Variants in TCF24 observed in about 807,000 individuals in gnomAD.
TCF24 encodes transcription factor 24.
Under a neutral mutation model 9.3 loss-of-function variants are expected in TCF24, and 5 were observed. That is an observed-to-expected ratio of 0.54 (90% CI 0.28 to 1.13). The LOEUF (loss-of-function observed/expected upper bound fraction) is 1.13, where lower values mean the gene tolerates loss of function less well. TCF24 is among the 50% of genes most tolerant of loss of function. The pLI, the probability that TCF24 is intolerant of heterozygous loss-of-function variation, is 0.09. For missense variants in TCF24, 220 were observed against 236.1 expected (o/e 0.93, Z 0.45); for synonymous variants, 110 against 115.8 (o/e 0.95, Z 0.32).
chr8:66,957,413 A>G (rs1208253767), intron 3 of TCF24, among the ~76,000 whole-genome samples: 1 of 57,192 alleles, frequency 1.7e-5, no homozygotes, highest in Non-Finnish European at 3.3e-5. Context: ...GTGAAACTCC[A>G]TATCAAAAAA....
At chr8:66,956,976 G>A (rs767795384) in intron 3 of TCF24, among the ~76,000 whole-genome samples, 3 of 151,778 alleles carry the variant, frequency 2.0e-5, no homozygotes, top group Admixed American at 6.6e-5. Flanking sequence ...AGACTGAGGC[G>A]GGCAGATTAC....
intron 3 of TCF24, among the ~76,000 whole-genome samples, chr8:66,950,219 C>T (rs1235746711): frequency 2.0e-5 from 3 of 150,864 alleles, no homozygotes; most frequent in African/African-American, 4.9e-5. Flanking sequence ...AGGTTTTCTT[C>T]TCGGGTTTTT....
intron 3 of TCF24, among the ~76,000 whole-genome samples, chr8:66,960,415 C>T (rs1208388253): frequency 5.3e-5 from 8 of 151,622 alleles, no homozygotes; most frequent in Non-Finnish European, 7.4e-5. Flanking sequence ...CTTAACTTTG[C>T]ATTTGTGTGT....
rs1382822845 is a variant in TCF24 at position 66,953,002 on chromosome 8, A to G, written c.391-4838T>C. 2.9e-5 allele frequency among the ~76,000 whole-genome samples: 4 copies of G among 136,342 alleles called. No homozygotes were observed. In the Admixed American group the frequency reaches 3.0e-4, roughly 10 times the overall value. The allele number at this position is 136,342 out of a possible 152,430, so 89.4% of individuals were successfully genotyped here. A position where few individuals can be genotyped will look rare whatever the true frequency, so the allele number is the denominator to read the frequency against. The stretch of plus-strand genomic sequence containing the variant: ...GCCTATGTGTGTCTCTGCACGTGAG[A>G]TGGGTTTCCTGAATACAGCACACTG... On this transcript the variant is annotated intron_variant, in intron 3 of 3. Coordinates refer to ENST00000563496, the MANE Select transcript of TCF24 (RefSeq NM_001193502.2).
intron 3 of TCF24, among the ~76,000 whole-genome samples, chr8:66,949,228 A>G (rs998099200): frequency 2.6e-5 from 4 of 151,826 alleles, no homozygotes; most frequent in East Asian, 1.9e-4. Flanking sequence ...AGCATTAGGT[A>G]TATCTCCCAA....
intron 3 of TCF24, among the ~76,000 whole-genome samples, chr8:66,953,239 G>C (rs2130898978): frequency 6.6e-6 from 1 of 152,260 alleles, no homozygotes; most frequent in East Asian, 1.9e-4. Context: ...GGTACCGGTT[G>C]TTCCTTTCCA....
chr8:66,949,823 T>C (rs1309024717), intron 3 of TCF24, among the ~76,000 whole-genome samples: 1 of 145,308 alleles, frequency 6.9e-6, no homozygotes, highest in African/African-American at 2.6e-5. Flanking sequence ...TGGTATCTCA[T>C]TGTGGTTTTG....
At position 66,961,863 on chromosome 8, in the gene TCF24, C is replaced by T. The variant is rs940318108; in HGVS notation, c.-24+14G>A. The stretch of plus-strand genomic sequence containing the variant: ...CCGAGAGGCGCAGCCCCCTGGTTCT[C>T]CCCGTGCGCCCACCAGCAGCCCAAC... On this transcript the variant is annotated intron_variant, in intron 2 of 3. Coordinates refer to ENST00000563496, the MANE Select transcript of TCF24 (RefSeq NM_001193502.2). The T allele has an allele frequency of 6.2e-6, 6 of 966,828 alleles. No homozygotes were observed. The highest frequency in any genetic ancestry group is 1.8e-5 in the African/African-American group (1 of 56,890). 59.9% of individuals were successfully genotyped at this position (966,828 alleles called of 1,614,324 possible).
intron 3 of TCF24, among the ~76,000 whole-genome samples, chr8:66,953,467 T>C (rs377353680): frequency 6.6e-6 from 1 of 152,176 alleles, no homozygotes; most frequent in African/African-American, 2.4e-5. Context: ...AGAGATCCGC[T>C]GTTAGTCTGA....
intron 3 of TCF24, among the ~76,000 whole-genome samples, chr8:66,959,365 A>G (rs1300828001): frequency 6.6e-6 from 1 of 152,226 alleles, no homozygotes; most frequent in Non-Finnish European, 1.5e-5. Flanking sequence ...CCTTTAGTTG[A>G]CCATAAAAGT....
chr8:66,960,001 C>G (rs1305950459), intron 3 of TCF24, among the ~76,000 whole-genome samples: 1 of 152,154 alleles, frequency 6.6e-6, no homozygotes, highest in Non-Finnish European at 1.5e-5. Flanking sequence ...AATTATATCT[C>G]CCATAAAGTA....
intron 3 of TCF24, among the ~76,000 whole-genome samples, chr8:66,955,418 T>A (rs1218510234): frequency 1.3e-5 from 2 of 151,596 alleles, no homozygotes; most frequent in Admixed American, 1.3e-4. Flanking sequence ...AGGTCAGCAA[T>A]CTGGTCCCAC....
intron 2 of TCF24, 42 bp from the exon 3 acceptor site, chr8:66,961,830 G>A: frequency 1.5e-5 from 16 of 1,052,632 alleles, no homozygotes; most frequent in Non-Finnish European, 1.6e-5. Context: ...GGGGCGGTCG[G>A]GCTTAACCCG....
chr8:66,954,456 G>C (rs569277630), intron 3 of TCF24, among the ~76,000 whole-genome samples: 3 of 152,282 alleles, frequency 2.0e-5, no homozygotes, highest in East Asian at 3.9e-4. Flanking sequence ...CCCGTTCTCA[G>C]ATCTCCAGCT....
Position 66,947,083 on chromosome 8 carries a change from T to C in TCF24, c.*968A>G, listed in dbSNP as rs1177719280. ...GAGTAGGTAAATATGTTTACAAATA[T>C]TTAAATATGCAAGTACTTTTCTACA... On this transcript the variant is annotated 3_prime_UTR_variant, in exon 4 of 4. Coordinates refer to ENST00000563496, the MANE Select transcript of TCF24 (RefSeq NM_001193502.2). 6.6e-6 allele frequency: 1 copy of C among 152,192 alleles called. No individual in the cohort carries two copies. The highest frequency in any genetic ancestry group is 1.5e-5 in the Non-Finnish European group (1 of 68,028). 9.4% of individuals were successfully genotyped at this position (152,192 alleles called of 1,614,324 possible).
chr8:66,955,492 A>G (rs1378351054), intron 3 of TCF24, among the ~76,000 whole-genome samples: 1 of 152,180 alleles, frequency 6.6e-6, no homozygotes, highest in Non-Finnish European at 1.5e-5. Context: ...CGGAACACAC[A>G]CAGGCCAACT....
At chr8:66,955,816 G>T (rs1012107017) in intron 3 of TCF24, among the ~76,000 whole-genome samples, 3 of 152,180 alleles carry the variant, frequency 2.0e-5, no homozygotes, top group African/African-American at 7.2e-5. Context: ...CCTAAACTGG[G>T]ACTCCAAATG....
intron 3 of TCF24, among the ~76,000 whole-genome samples, chr8:66,960,874 T>G (rs944419177): frequency 2.6e-5 from 4 of 152,186 alleles, no homozygotes; most frequent in Admixed American, 1.3e-4. Context: ...AATGGTCTCA[T>G]TTGTTCTTAT....
chr8:66,953,883 C>T (rs1301096650), intron 3 of TCF24, among the ~76,000 whole-genome samples: 5 of 151,216 alleles, frequency 3.3e-5, no homozygotes, highest in African/African-American at 7.3e-5. Context: ...TCCAGTTGAT[C>T]GCATTGGCTC....
Sources: gnomAD v4.1 joint callset for allele counts (sites outside exome capture counted in the v4.1 genomes callset) on GRCh38, gnomAD v4.1.1 for gene constraint, MANE v1.5 for transcripts, NCBI Gene and HGNC (gene_info 2026-07-23, HGNC 2026-07-21) for gene names.